AGAP1: variants seen among roughly 807,000 people sequenced by gnomAD.
The protein encoded by AGAP1 is arf-GAP with GTPase, ANK repeat and PH domain-containing protein 1.
AGAP1 carries 29 observed loss-of-function variants against 105.3 expected under a neutral mutation model. The observed-to-expected ratio is 0.28, with a 90% CI of 0.21 to 0.38. The LOEUF is 0.38. Among genes scored for constraint, AGAP1 ranks in the 10% least tolerant of loss-of-function variants. The pLI is 1.00. For synonymous variants in AGAP1, 509 were observed against 485.9 expected (o/e 1.05, Z -0.63); for missense variants, 998 against 1,165.1 (o/e 0.86, Z 2.09).
At position 235,582,802 on chromosome 2, in the gene AGAP1, C is replaced by G. The variant is rs7590688; in HGVS notation, c.163+87953C>G. 0.56 allele frequency among the ~76,000 whole-genome samples: 85,361 copies of G among 152,064 alleles called. 24,840 individuals are homozygous for G. The highest frequency in any genetic ancestry group is 0.71 in the African/African-American group (29,527 of 41,500). ...TGAGTCCCACGTCCTAGCCTCCCGGCATCACAGCCTTATGCTGCATTTCCT... is the reference window on the plus strand; with the variant it reads ...TGAGTCCCACGTCCTAGCCTCCCGGGATCACAGCCTTATGCTGCATTTCCT... On this transcript the variant is annotated intron_variant, in intron 1 of 17. Transcript: ENST00000304032. This position sits in a 1 kb window ranked among gnomAD's most constrained non-coding sequence, Gnocchi z 4.7.
intron 9 of AGAP1, among the ~76,000 whole-genome samples, chr2:235,873,734 C>T (rs1345358435): frequency 6.6e-6 from 1 of 152,184 alleles, no homozygotes; most frequent in Non-Finnish European, 1.5e-5. Context: ...ACCACATTTT[C>T]GTTTTGTTTT....
chr2:235,868,984 G>C (rs1463516008), intron 9 of AGAP1, among the ~76,000 whole-genome samples: 1 of 152,108 alleles, frequency 6.6e-6, no homozygotes. Flanking sequence ...TTTGGTTATA[G>C]GTCATTAAAA....
intron 9 of AGAP1, among the ~76,000 whole-genome samples, chr2:235,869,649 G>A (rs2049345982): frequency 6.6e-6 from 1 of 152,104 alleles, no homozygotes; most frequent in African/African-American, 2.4e-5. Flanking sequence ...TGATTCTGTG[G>A]GTCAGGAGTT....
chr2:235,683,736 A>G (rs1213963822), intron 1 of AGAP1, among the ~76,000 whole-genome samples: 1 of 151,128 alleles, frequency 6.6e-6, no homozygotes, highest in African/African-American at 2.4e-5. Flanking sequence ...CTAGGGTTAC[A>G]GGTGCACAAC....
At chr2:235,656,359 AT>A (rs1947770084) in intron 1 of AGAP1, among the ~76,000 whole-genome samples, 1 of 152,192 alleles carries the variant, frequency 6.6e-6, no homozygotes, top group African/African-American at 2.4e-5. Flanking sequence ...TGAGTTCTAA[AT>A]TTCTTTTCAA....
chr2:235,527,403 C>G (rs947698982), intron 1 of AGAP1, among the ~76,000 whole-genome samples: 1 of 152,204 alleles, frequency 6.6e-6, no homozygotes, highest in African/African-American at 2.4e-5. Context: ...CAGGGTCTCA[C>G]TCTGTTGCTT....
intron 16 of AGAP1, among the ~76,000 whole-genome samples, chr2:236,063,869 T>A (rs938167353): frequency 6.6e-6 from 1 of 152,084 alleles, no homozygotes; most frequent in Non-Finnish European, 1.5e-5. Flanking sequence ...CAACCAGGGG[T>A]CTGGAAGATG....
At chr2:235,966,805 G>A (rs183496996) in intron 12 of AGAP1, among the ~76,000 whole-genome samples, 11 of 152,198 alleles carry the variant, frequency 7.2e-5, no homozygotes, top group African/African-American at 1.9e-4. Flanking sequence ...GAAGGGTGAC[G>A]CTTCCGACTG....
chr2:235,834,007 A>G (rs900816833), intron 9 of AGAP1, among the ~76,000 whole-genome samples: 1 of 149,984 alleles, frequency 6.7e-6, no homozygotes, highest in Non-Finnish European at 1.5e-5. Flanking sequence ...CAGTATTGAC[A>G]TGTTAACTGT....
intron 1 of AGAP1, among the ~76,000 whole-genome samples, chr2:235,652,663 G>C (rs1364265145): frequency 6.6e-6 from 1 of 152,078 alleles, no homozygotes; most frequent in African/African-American, 2.4e-5. Context: ...AGGCCCAGGC[G>C]GGTGGATCAC....
chr2:235,668,393 A>C (rs1271084991), intron 1 of AGAP1, among the ~76,000 whole-genome samples: 2 of 152,204 alleles, frequency 1.3e-5, no homozygotes, highest in Non-Finnish European at 2.9e-5. Flanking sequence ...AAAGTAGGGA[A>C]AGCTGGCACC....
chr2:235,797,810 C>T lies in AGAP1; in HGVS notation c.725C>T (p.Pro242Leu). The change falls in exon 7 of 18, where the codon CCC becomes CTC. Residue 242 changes from proline (P) to leucine (L), a missense_variant. Physicochemically the swap from Pro to Leu is moderately conservative, Grantham distance 98 (BLOSUM62 -3). Around this residue, in one of 3 missense-constraint regions of AGAP1, gnomAD observed 735 missense variants for 833.4 expected, o/e 0.88. Coordinates refer to ENST00000304032, the MANE Select transcript of AGAP1 (RefSeq NM_001037131.3). ...TRKKQQLSIG[P>L]CKSLPNSPSH... ...AAGAAGCAGCAGCTGTCCATAGGAC[C>T]CTGCAAGTCGCTACCTAATTCTCCC... The T allele has an allele frequency of 6.2e-7, 1 of 1,614,122 alleles. No homozygotes were observed. The highest frequency in any genetic ancestry group is 8.5e-7 in the Non-Finnish European group (1 of 1,180,010).
chr2:235,567,529 T>A (rs1390250562), intron 1 of AGAP1, among the ~76,000 whole-genome samples: 1 of 152,212 alleles, frequency 6.6e-6, no homozygotes, highest in Non-Finnish European at 1.5e-5. Context: ...TCTTGCGCTG[T>A]CCATCTGTAT....
chr2:235,751,726 A>C lies in AGAP1; in HGVS notation c.673+1238A>C, dbSNP rs1277804949. Among the ~76,000 whole-genome samples, 1 of 152,130 alleles carries C rather than the reference A, an allele frequency of 6.6e-6. No individual in the cohort carries two copies. The highest frequency in any genetic ancestry group is 1.5e-5 in the Non-Finnish European group (1 of 68,030). ...CTAAGCCTGCCGTCTCTTCCCGCGC[A>C]TCTCTGCCTCTCAGATACTTACCTG... On this transcript the variant is annotated intron_variant, in intron 6 of 17. Transcript: ENST00000304032. This position sits in a 1 kb window ranked among gnomAD's most constrained non-coding sequence, Gnocchi z 5.3.
rs984134549 is a variant in AGAP1, at chr2:235,842,719, G to GTT, written c.1050+35395_1050+35396dup. ...AGTTTTCATCCCATGTGTCAGGTTT[G>GTT]TTTTTTTTGTTTTGTTTTGTTTTTT... is the stretch of plus-strand genomic sequence containing the variant. On this transcript the variant is annotated intron_variant, in intron 9 of 17. Coordinates refer to ENST00000304032, the MANE Select transcript of AGAP1 (RefSeq NM_001037131.3). The surrounding 1 kb of genome is among the most constrained non-coding windows in gnomAD (Gnocchi z 5.3). Among the ~76,000 whole-genome samples the GTT allele has an allele frequency of 9.9e-5, 15 of 151,534 alleles. No individual in the cohort carries two copies. Among genetic ancestry groups the GTT allele is most frequent in the Middle Eastern group, 3.4e-3 (1 of 290 alleles).
rs2054616108 is a variant in AGAP1 at position 235,970,882 on chromosome 2, G to GTGCGAGGCA, written c.1645+2259_1645+2260insTGCGAGGCA. ...GGTATGTGTGTGCGAGGCAATAGTGGATACCCAGGCTGAGACACGGGCTCT... is the reference window on the plus strand; with the variant it reads ...GGTATGTGTGTGCGAGGCAATAGTGGTGCGAGGCAATACCCAGGCTGAGACACGGGCTCT... On this transcript the variant is annotated intron_variant, in intron 13 of 17. Coordinates refer to ENST00000304032, the MANE Select transcript of AGAP1 (RefSeq NM_001037131.3). The surrounding 1 kb of genome is among the most constrained non-coding windows in gnomAD (Gnocchi z 5.4). Among the ~76,000 whole-genome samples the GTGCGAGGCA allele has an allele frequency of 6.6e-6, 1 of 152,220 alleles. No individual in the cohort carries two copies. Among genetic ancestry groups the GTGCGAGGCA allele is most frequent in the Non-Finnish European group, 1.5e-5 (1 of 68,046 alleles).
At chr2:235,816,441 A>G (rs1459297278) in intron 9 of AGAP1, among the ~76,000 whole-genome samples, 124 of 148,290 alleles carry the variant, frequency 8.4e-4, no homozygotes, top group African/African-American at 2.9e-3. Flanking sequence ...CCGTCTCAAA[A>G]AAAAAAAAAA....
intron 11 of AGAP1, among the ~76,000 whole-genome samples, chr2:235,910,540 A>ACTC (rs2051554636): frequency 6.6e-6 from 1 of 152,220 alleles, no homozygotes; most frequent in Non-Finnish European, 1.5e-5. Context: ...GAAGGGCACA[A>ACTC]GAAAGAAAAA....
chr2:235,807,999 A>G (rs1438696629), intron 9 of AGAP1, among the ~76,000 whole-genome samples: 1 of 152,090 alleles, frequency 6.6e-6, no homozygotes, highest in Non-Finnish European at 1.5e-5. Context: ...ACAGGGTTTC[A>G]TTAGCCCAGA....
Sources: gnomAD v4.1 joint callset for allele counts (sites outside exome capture counted in the v4.1 genomes callset) on GRCh38, gnomAD v4.1.1 for gene constraint, gnomAD v4.1.1 regional missense constraint, Gnocchi (gnomAD v3.1) non-coding constraint, MANE v1.5 for transcripts, NCBI Gene and HGNC (gene_info 2026-07-23, HGNC 2026-07-21) for gene names.